Variants in IL4R observed in about 807,000 individuals in gnomAD.
IL4R encodes interleukin 4 receptor, also known as interleukin-4 receptor subunit alpha.
IL4R carries 17 observed loss-of-function variants against 41.5 expected under a neutral mutation model. The observed-to-expected ratio is 0.41, with a 90% CI of 0.28 to 0.61. The LOEUF is 0.61. IL4R is among the 20% of genes least tolerant of loss of function. The probability of loss-of-function intolerance (pLI) is 0.31; values close to 1 mark genes in which losing one functional copy is unlikely to be tolerated. For missense variants in IL4R, 974 were observed against 1,043.1 expected, an observed-to-expected ratio of 0.93 and a Z score of 0.91; for synonymous variants, 402 against 422.9, an observed-to-expected ratio of 0.95 and a Z score of 0.61.
chr16:27,355,293 ATGAAAG>A, intron 7 of IL4R: 1 of 292,952 alleles, frequency 3.4e-6, no homozygotes, highest in Non-Finnish European at 7.0e-6. Flanking sequence ...GAATGTGACG[ATGAAAG>A]TGAACAAGGA....
chr16:27,315,047 G>A (rs1014717071), intron 1 of IL4R, among the ~76,000 whole-genome samples: 8 of 151,986 alleles, frequency 5.3e-5, no homozygotes, highest in African/African-American at 1.7e-4. Flanking sequence ...TGCTTCTGGG[G>A]TTCAAGGAAT....
intron 1 of IL4R, among the ~76,000 whole-genome samples, chr16:27,319,225 A>T (rs1197631483): frequency 6.6e-6 from 1 of 152,222 alleles, no homozygotes; most frequent in African/African-American, 2.4e-5. Flanking sequence ...GAGGTCTAGG[A>T]GCAGAGGTCA....
At position 27,342,112 on chromosome 16, in the gene IL4R, T is replaced by C. The variant is rs1362130088; in HGVS notation, c.71-9T>C. 1.2e-6 allele frequency: 2 copies of C among 1,613,602 alleles called. No individual in the cohort carries two copies. The highest frequency in any genetic ancestry group is 2.2e-5 in the South Asian group (2 of 91,042). ...CTGGGCCGCTCAGGCTGCTCCTGTG[T>C]CTCCCCAGGGAACATGAAGGTCTTG... On this transcript the variant is annotated splice_polypyrimidine_tract_variant and intron_variant, in intron 3 of 10. Coordinates refer to ENST00000395762, the MANE Select transcript of IL4R (RefSeq NM_000418.4).
chr16:27,360,998 C>A, intron 10 of IL4R, 183 bp downstream of exon 10: 1 of 1,473,426 alleles, frequency 6.8e-7, no homozygotes, highest in Non-Finnish European at 9.0e-7. Flanking sequence ...GGCCAAGCCC[C>A]CTGAGTTTCA....
In IL4R at chr16:27,357,916, T is replaced by G. The variant is rs115110584; in HGVS notation, c.771-1000T>G. On this transcript the variant is annotated intron_variant, in intron 8 of 10. Transcript: ENST00000395762. ...CGTTTTTTTTTTTTTTTCTTTGAGA[T>G]GGAGTCTCATGTTGTCCCCCAGGCT... Among the ~76,000 whole-genome samples the G allele has an allele frequency of 7.6e-3, 1,124 of 148,688 alleles. 12 individuals are homozygous for G. Among genetic ancestry groups the G allele is most frequent in the African/African-American group, 0.026 (1,047 of 40,186 alleles).
intron 2 of IL4R, 96 bp from the exon 3 acceptor site, chr16:27,340,090 A>T: frequency 1.3e-6 from 1 of 765,314 alleles, no homozygotes; most frequent in South Asian, 1.6e-5. Context: ...CAAACAAACA[A>T]ATAAATGGCC....
intron 6 of IL4R, among the ~76,000 whole-genome samples, chr16:27,351,537 G>A (rs984849655): frequency 7.7e-5 from 10 of 129,120 alleles, no homozygotes; most frequent in Admixed American, 5.5e-4. Flanking sequence ...TTTCCGAGAC[G>A]AAGTCGTCAC....
chr16:27,358,679 C>T (rs2086178833), intron 8 of IL4R, among the ~76,000 whole-genome samples: 1 of 152,204 alleles, frequency 6.6e-6, no homozygotes, highest in African/African-American at 2.4e-5. Flanking sequence ...CCTGGCTCTG[C>T]CACCTACCAG....
chr16:27,345,613 TACTC>T lies in IL4R; in HGVS notation c.361+595_361+598del, dbSNP rs1396811392. 2 of 179,666 alleles carry T rather than the reference TACTC, an allele frequency of 1.1e-5. No individual in the cohort carries two copies. The highest frequency in any genetic ancestry group is 2.4e-5 in the African/African-American group (1 of 42,352). The allele number at this position is 179,666 out of a possible 1,614,324, so 11.1% of individuals were successfully genotyped here. A position where few individuals can be genotyped will look rare whatever the true frequency, so the allele number is the denominator to read the frequency against. ...ACAGATGAATCAAAATAAAGAAAAATACTCAGTAAATCATCATAAAGTACAGAGA... is the reference window on the plus strand; with the variant it reads ...ACAGATGAATCAAAATAAAGAAAAATAGTAAATCATCATAAAGTACAGAGA... On this transcript the variant is annotated intron_variant, in intron 5 of 10. Coordinates refer to ENST00000395762, the MANE Select transcript of IL4R (RefSeq NM_000418.4). This position sits in a 1 kb window ranked among gnomAD's most constrained non-coding sequence, Gnocchi z 4.5.
At chr16:27,327,285 G>A (rs767896146) in intron 1 of IL4R, among the ~76,000 whole-genome samples, 4 of 152,030 alleles carry the variant, frequency 2.6e-5, no homozygotes, top group African/African-American at 4.8e-5. Context: ...GGCCTGTACC[G>A]CCCCCTGTGC....
In IL4R at chr16:27,363,151, A is replaced by T; in HGVS notation, c.1799A>T (p.Glu600Val). Reference protein sequence around the residue: ...SAVVGLGPPGEAGYKAFSSLL... With the variant: ...SAVVGLGPPGVAGYKAFSSLL... The stretch of plus-strand genomic sequence containing the variant: ...GTGGTGGGCTTGGGTCCCCCAGGAG[A>T]GGCTGGTTACAAGGCCTTCTCAAGC... The change falls in exon 11 of 11, where the codon GAG becomes GTG. Residue 600 changes from glutamate to valine, a missense_variant. By Grantham distance (121) the Glu-to-Val change is moderately radical. Transcript: ENST00000395762. The T allele has an allele frequency of 3.1e-6, 5 of 1,613,242 alleles. No homozygotes were observed. The highest frequency in any genetic ancestry group is 4.2e-6 in the Non-Finnish European group (5 of 1,179,578).
At chr16:27,353,682 A>G (rs537480527) in intron 7 of IL4R, among the ~76,000 whole-genome samples, 7 of 152,238 alleles carry the variant, frequency 4.6e-5, no homozygotes, top group African/African-American at 1.7e-4. Context: ...TAAAATAAAT[A>G]GAGACAGGGT....
rs2086425489 is a variant in IL4R at position 27,364,365 on chromosome 16, A to G, written c.*535A>G. The G allele has an allele frequency of 6.4e-6, 1 of 155,166 alleles. No individual in the cohort carries two copies. The highest frequency in any genetic ancestry group is 2.0e-4 in the South Asian group (1 of 4,952). The allele number at this position is 155,166 out of a possible 1,614,324, so 9.6% of individuals were successfully genotyped here. Reference sequence around the variant, plus strand: ...GGGTGGTCATTGCCTAGAGGTGCTCATTCATTTAACAGAGCTTCCTTAGGT... The same window carrying G: ...GGGTGGTCATTGCCTAGAGGTGCTCGTTCATTTAACAGAGCTTCCTTAGGT... On this transcript the variant is annotated 3_prime_UTR_variant, in exon 11 of 11. Transcript: ENST00000395762.
At position 27,345,147 on chromosome 16, in the gene IL4R, C is replaced by A; in HGVS notation, c.361+127C>A. 9.5e-7 allele frequency: 1 copy of A among 1,048,556 alleles called. No homozygotes were observed. The highest frequency in any genetic ancestry group is 1.6e-5 in the African/African-American group (1 of 64,334). 65.0% of individuals were successfully genotyped at this position (1,048,556 alleles called of 1,614,324 possible). ...CAGGAGGAAGCCGCCTGTATTTTCC[C>A]AAATCTGATGGGATTCCTGCCCCTG... is the stretch of plus-strand genomic sequence containing the variant. On this transcript the variant is annotated intron_variant, in intron 5 of 10. Coordinates refer to ENST00000395762, the MANE Select transcript of IL4R (RefSeq NM_000418.4). This position sits in a 1 kb window ranked among gnomAD's most constrained non-coding sequence, Gnocchi z 4.5.
At position 27,363,239 on chromosome 16, in the gene IL4R, G is replaced by A. The variant is rs778813215; in HGVS notation, c.1887G>A (p.Glu629=). ...KCGFGASSGE[E]GYKPFQDLIP... Reference sequence around the variant, plus strand: ...GGTTTGGGGCTAGCAGTGGGGAAGAGGGGTATAAGCCTTTCCAAGACCTCA... The same window carrying A: ...GGTTTGGGGCTAGCAGTGGGGAAGAAGGGTATAAGCCTTTCCAAGACCTCA... The change falls in exon 11 of 11, where the codon GAG becomes GAA. Residue 629 remains glutamate (E), a synonymous_variant. Coordinates refer to ENST00000395762, the MANE Select transcript of IL4R (RefSeq NM_000418.4). 1 of 1,606,098 alleles carries A rather than the reference G, an allele frequency of 6.2e-7. No homozygotes were observed. Among genetic ancestry groups the A allele is most frequent in the Non-Finnish European group, 8.5e-7 (1 of 1,175,760 alleles).
Position 27,363,683 on chromosome 16 carries a change from G to A in IL4R, c.2331G>A (p.Pro777=), listed in dbSNP as rs200822191. 2.1e-5 allele frequency: 34 copies of A among 1,613,760 alleles called. No homozygotes were observed. The African/African-American group carries it at 3.6e-4, about 17-fold the overall frequency. Residue 777 remains proline (P), a synonymous_variant, in exon 11 of 11, where the codon CCG becomes CCA. Coordinates refer to ENST00000395762, the MANE Select transcript of IL4R (RefSeq NM_000418.4). ...TTCCACTGGAGGCCAGTCTGTGTCC[G>A]GCCTCCCTGGCACCCTCGGGCATCT... is the stretch of plus-strand genomic sequence containing the variant. ...GGVPLEASLC[P]ASLAPSGISE... is the part of the protein sequence containing the mutation.
chr16:27,335,933 T>G (rs2141110766), intron 2 of IL4R, among the ~76,000 whole-genome samples: 1 of 152,200 alleles, frequency 6.6e-6, no homozygotes, highest in South Asian at 2.1e-4. Context: ...ACTGTTAATT[T>G]CCTGATTTCG....
In IL4R at chr16:27,341,639, G is replaced by A. The variant is rs1424000991; in HGVS notation, c.71-482G>A. Reference sequence around the variant, plus strand: ...CTCTCCCATTGGCCAAACCCAACCGGAAACTAAAGGCCAAGGGTACCCGGT... The same window carrying A: ...CTCTCCCATTGGCCAAACCCAACCGAAAACTAAAGGCCAAGGGTACCCGGT... On this transcript the variant is annotated intron_variant, in intron 3 of 10. Transcript: ENST00000395762. 2.6e-5 allele frequency among the ~76,000 whole-genome samples: 4 copies of A among 152,132 alleles called. No individual in the cohort carries two copies. The East Asian group carries it at 5.8e-4, about 22-fold the overall frequency.
At chr16:27,358,234 C>T (rs1260946819) in intron 8 of IL4R, among the ~76,000 whole-genome samples, 2 of 152,242 alleles carry the variant, frequency 1.3e-5, no homozygotes, top group African/African-American at 2.4e-5. Context: ...TCCATCTTTC[C>T]CTCTTGAAGG....
Sources: gnomAD v4.1 joint callset for allele counts (sites outside exome capture counted in the v4.1 genomes callset) on GRCh38, gnomAD v4.1.1 for gene constraint, Gnocchi (gnomAD v3.1) non-coding constraint, MANE v1.5 for transcripts, NCBI Gene and HGNC (gene_info 2026-07-23, HGNC 2026-07-21) for gene names.